CLCN1: variants seen among roughly 807,000 people sequenced by gnomAD.
The protein encoded by CLCN1 is chloride channel protein 1.
In CLCN1, 100 loss-of-function variants were observed where a neutral mutation model predicts 114.5. The ratio of observed to expected loss-of-function variants is 0.87; its 90% CI spans 0.74 to 1.03. The LOEUF (loss-of-function observed/expected upper bound fraction) is 1.03. Ranked by LOEUF, CLCN1 falls within the 50% of genes least tolerant of loss-of-function variation. The pLI is 0.00. For synonymous variants in CLCN1, 485 were observed against 487.1 expected (o/e 1.00, Z 0.06); for missense variants, 1,188 against 1,250.0 (o/e 0.95, Z 0.75).
intron 2 of CLCN1, 96 bp from the exon 3 acceptor site, chr7:143,320,567 CT>C: frequency 1.4e-6 from 1 of 739,816 alleles, no homozygotes; most frequent in Non-Finnish European, 2.2e-6. Context: ...CTCTCTCTCT[CT>C]CTCTCTCTCT....
intron 12 of CLCN1, among the ~76,000 whole-genome samples, chr7:143,336,832 T>G (rs1202805050): frequency 6.6e-6 from 1 of 152,202 alleles, no homozygotes; most frequent in Non-Finnish European, 1.5e-5. Flanking sequence ...AATACTGTTC[T>G]TACACATATC....
At chr7:143,318,345 C>G (rs1802342643) in intron 1 of CLCN1, among the ~76,000 whole-genome samples, 1 of 152,196 alleles carries the variant, frequency 6.6e-6, no homozygotes, top group Admixed American at 6.5e-5. Context: ...GCCTCCGCCT[C>G]CCAGGTAGCT....
chr7:143,345,760 G>A lies in CLCN1; in HGVS notation c.2170G>A (p.Glu724Lys). Residue 724 changes from glutamate (E) to lysine (K), a missense_variant and splice_region_variant, in exon 17 of 23, where the codon GAG becomes AAG. By Grantham distance (56) the Glu-to-Lys change is moderately conservative. Coordinates refer to ENST00000343257, the MANE Select transcript of CLCN1 (RefSeq NM_000083.3). ...GGACGAAGACCTCTCTGGCAAGAGC[G>A]AGGTGACCGCGCCGGGAAGGGCTAG... ...DEDEDLSGKS[E>K]LPPSLALHPS... 2.5e-6 allele frequency: 4 copies of A among 1,607,016 alleles called. No homozygotes were observed. The South Asian group carries it at 3.4e-5, about 13-fold the overall frequency.
At position 143,333,125 on chromosome 7, in the gene CLCN1, C is replaced by G; in HGVS notation, c.1401+252C>G. On this transcript the variant is annotated intron_variant, in intron 12 of 22. Transcript: ENST00000343257. ...ACCAACATAGCCAACATAGCGAAACCCCATCTCTACCAAAAATTCAAAAAA... is the reference window on the plus strand; with the variant it reads ...ACCAACATAGCCAACATAGCGAAACGCCATCTCTACCAAAAATTCAAAAAA... Among the ~76,000 whole-genome samples the G allele has an allele frequency of 1.3e-5, 2 of 151,942 alleles. 1 individual carries two copies. The highest frequency in any genetic ancestry group is 3.9e-4 in the East Asian group (2 of 5,172).
chr7:143,320,903 C>A, intron 3 of CLCN1, 108 bp downstream of exon 3: 2 of 1,330,698 alleles, frequency 1.5e-6, no homozygotes, highest in South Asian at 1.2e-5. Context: ...TTATGGGAAG[C>A]GAATATTGCG....
intron 12 of CLCN1, 137 bp downstream of exon 12, chr7:143,333,010 T>G: frequency 1.9e-6 from 2 of 1,048,784 alleles, no homozygotes; most frequent in South Asian, 2.5e-5. Flanking sequence ...TTGAAAACCA[T>G]AGAGTTGGCC....
Position 143,342,486 on chromosome 7 carries a change from A to T in CLCN1, c.1911A>T (p.Leu637Phe). The T allele has an allele frequency of 6.2e-7, 1 of 1,614,116 alleles. No homozygotes were observed. Among genetic ancestry groups the T allele is most frequent in the South Asian group, 1.1e-5 (1 of 91,066 alleles). The change falls in exon 16 of 23, where the codon TTA (leucine) becomes TTT (phenylalanine). Residue 637 changes from leucine to phenylalanine, a missense_variant. By Grantham distance (22) the Leu-to-Phe change is conservative. Coordinates refer to ENST00000343257, the MANE Select transcript of CLCN1 (RefSeq NM_000083.3). Reference sequence around the variant, plus strand: ...TCCAGACCACCACAGTCAAGACTTTACCACTGGTTGACTCAAAAGGTCAGT... The same window carrying T: ...TCCAGACCACCACAGTCAAGACTTTTCCACTGGTTGACTCAAAAGGTCAGT... ...TLLQTTTVKTLPLVDSKDSMI... is the reference protein window; with the variant it reads ...TLLQTTTVKTFPLVDSKDSMI...
intron 12 of CLCN1, among the ~76,000 whole-genome samples, chr7:143,334,133 A>C (rs1802805842): frequency 6.6e-6 from 1 of 152,116 alleles, no homozygotes; most frequent in South Asian, 2.1e-4. Context: ...GAATTGCTTG[A>C]ACCTAGGAGG....
chr7:143,344,751 G>GA (rs11395401), intron 16 of CLCN1, among the ~76,000 whole-genome samples: 2 of 131,324 alleles, frequency 1.5e-5, no homozygotes, highest in Non-Finnish European at 3.1e-5. Context: ...TCCTAGCAGG[G>GA]TTTTTTTTTT....
chr7:143,347,922 G>A (rs1803299861), intron 20 of CLCN1, among the ~76,000 whole-genome samples: 1 of 152,166 alleles, frequency 6.6e-6, no homozygotes, highest in Admixed American at 6.6e-5. Flanking sequence ...GGCGGTATCA[G>A]AACATACCGA....
chr7:143,319,822 G>T lies in CLCN1; in HGVS notation c.248G>T (p.Gly83Val). The change falls in exon 2 of 23, where the codon GGC becomes GTC. Residue 83 changes from glycine to valine, a missense_variant. By Grantham distance (109) the Gly-to-Val change is moderately radical. Coordinates refer to ENST00000343257, the MANE Select transcript of CLCN1 (RefSeq NM_000083.3). ...EQDIGMPKKT[G>V]SSSTVDSKDE... ...GACATAGGGATGCCCAAGAAGACAG[G>T]CTCCAGTTCTACCGTGGACAGCAAG... 6.2e-7 allele frequency: 1 copy of T among 1,613,752 alleles called. No individual in the cohort carries two copies. Among genetic ancestry groups the T allele is most frequent in the African/African-American group, 1.3e-5 (1 of 74,990 alleles).
At chr7:143,345,373 A>C (rs1803200799) in intron 16 of CLCN1, 148 bp from the exon 17 acceptor site, 1 of 1,060,592 alleles carries the variant, frequency 9.4e-7, no homozygotes, top group Non-Finnish European at 1.3e-6. Context: ...ATCTTGGAGG[A>C]TTCTTAAAAT....
chr7:143,330,861 G>C lies in CLCN1; in HGVS notation c.943G>C (p.Val315Leu). The stretch of plus-strand genomic sequence containing the variant: ...CTTTGCAGCCACGTTCAGCGCCTTT[G>C]TGTTTCGAGTGCTGGCAGTGTGGAA... ...GFFAATFSAF[V>L]FRVLAVWNKD... The change falls in exon 8 of 23, where the codon GTG (valine) becomes CTG (leucine). Residue 315 changes from valine to leucine, a missense_variant. By Grantham distance (32) the Val-to-Leu change is conservative (BLOSUM62 1). Coordinates refer to ENST00000343257, the MANE Select transcript of CLCN1 (RefSeq NM_000083.3). The C allele has an allele frequency of 6.2e-7, 1 of 1,614,222 alleles. No homozygotes were observed. The highest frequency in any genetic ancestry group is 8.5e-7 in the Non-Finnish European group (1 of 1,180,048).
Position 143,332,567 on chromosome 7 carries a change from G to A in CLCN1, c.1251+64G>A, listed in dbSNP as rs1346210023. 8.5e-6 allele frequency: 13 copies of A among 1,530,612 alleles called. No homozygotes were observed. The Admixed American group carries it at 1.8e-4, about 22-fold the overall frequency. The allele number at this position is 1,530,612 out of a possible 1,614,324, so 94.8% of individuals were successfully genotyped here. ...GCACAGATATACCTCAGGCTTCAGA[G>A]CATAAGTAGTTTTGTCCAAGGATAG... On this transcript the variant is annotated intron_variant, in intron 11 of 22. Coordinates refer to ENST00000343257, the MANE Select transcript of CLCN1 (RefSeq NM_000083.3).
rs1210883698 is a variant in CLCN1 at position 143,344,430 on chromosome 7, T to TAA, written c.1931-1090_1931-1089dup. Among the ~76,000 whole-genome samples the TAA allele has an allele frequency of 1.4e-3, 214 of 152,352 alleles. 1 individual carries two copies. The highest frequency in any genetic ancestry group is 6.2e-3 in the South Asian group (30 of 4,830). On this transcript the variant is annotated intron_variant, in intron 16 of 22. Transcript: ENST00000343257. ...ATCATGTAGGGCCATTTGGAGTCAT[T>TAA]AAGATTGTTAGTTCTGATTTCCAAT...
intron 12 of CLCN1, among the ~76,000 whole-genome samples, chr7:143,334,335 A>C (rs1041952957): frequency 1.3e-5 from 2 of 152,156 alleles, no homozygotes; most frequent in African/African-American, 4.8e-5. Context: ...TCTCATTTAT[A>C]AGTCTGTTCA....
Position 143,352,063 on chromosome 7 carries a change from C to A in CLCN1, c.*98C>A. 6.7e-7 allele frequency: 1 copy of A among 1,497,740 alleles called. No homozygotes were observed. The highest frequency in any genetic ancestry group is 1.4e-5 in the African/African-American group (1 of 72,596). 92.8% of individuals were successfully genotyped at this position (1,497,740 alleles called of 1,614,324 possible). A position where few individuals can be genotyped will look rare whatever the true frequency, so the allele number is the denominator to read the frequency against. ...GCGTCCTGAATGTGGCGAGGTCATGCCAATGTCGTGGCCTCTTCCAGGAAT... is the reference window on the plus strand; with the variant it reads ...GCGTCCTGAATGTGGCGAGGTCATGACAATGTCGTGGCCTCTTCCAGGAAT... On this transcript the variant is annotated 3_prime_UTR_variant, in exon 23 of 23. Coordinates refer to ENST00000343257, the MANE Select transcript of CLCN1 (RefSeq NM_000083.3).
chr7:143,331,107 T>C (rs1802711935), intron 8 of CLCN1, 125 bp from the exon 9 acceptor site: 16 of 1,033,954 alleles, frequency 1.5e-5, no homozygotes, highest in Non-Finnish European at 2.4e-5. Flanking sequence ...AAAAGGAAAA[T>C]ACATTCAAGA....
rs140448178 is a variant in CLCN1, at chr7:143,334,523, CATA to C, written c.1401+1654_1401+1656del. 4.3e-3 allele frequency among the ~76,000 whole-genome samples: 649 copies of C among 152,270 alleles called. 3 individuals carry two copies. Among genetic ancestry groups the C allele is most frequent in the African/African-American group, 0.015 (625 of 41,562 alleles). On this transcript the variant is annotated intron_variant, in intron 12 of 22. Coordinates refer to ENST00000343257, the MANE Select transcript of CLCN1 (RefSeq NM_000083.3). Reference sequence around the variant, plus strand: ...TTAAGCATTTACTATGTGCCAAGTACATAATATTTCATCATTAACCTTTAGCTA... The same window carrying C: ...TTAAGCATTTACTATGTGCCAAGTACATATTTCATCATTAACCTTTAGCTA...
Sources: allele counts gnomAD v4.1 joint callset (sites outside exome capture counted in the v4.1 genomes callset), GRCh38; gene constraint gnomAD v4.1.1; transcripts MANE v1.5; gene names NCBI Gene and HGNC (gene_info 2026-07-23, HGNC 2026-07-21).